The following CYP2C19 variants were observed in gnomAD, a reference collection of about 807,000 sequenced individuals.
CYP2C19 encodes cytochrome P450 family 2 subfamily C member 19.
CYP2C19 carries 59 observed loss-of-function variants against 40.9 expected under a neutral mutation model. The ratio of observed to expected loss-of-function variants is 1.44; its 90% CI spans 1.17 to 1.79. The LOEUF (loss-of-function observed/expected upper bound fraction) is 1.79, where lower values mean the gene tolerates loss of function less well. Among genes scored for constraint, CYP2C19 ranks in the 40% most tolerant of loss-of-function variants. CYP2C19 has a pLI of 0.00. For synonymous variants in CYP2C19, 253 were observed against 208.7 expected (o/e 1.21, Z -1.83); for missense variants, 754 against 596.9 (o/e 1.26, Z -2.74).
In CYP2C19 at chr10:94,818,435, T is replaced by G. The variant is rs1320576274; in HGVS notation, c.820-2061T>G. Among the ~76,000 whole-genome samples the G allele has an allele frequency of 3.3e-5, 5 of 152,112 alleles. No individual in the cohort carries two copies. In the South Asian group the frequency reaches 6.2e-4, roughly 19 times the overall value. On this transcript the variant is annotated intron_variant, in intron 5 of 8. Coordinates refer to ENST00000371321, the MANE Select transcript of CYP2C19 (RefSeq NM_000769.4). ...TCTCCAATTCTGTGAAGAAAGTCATTGGTAGCTTGATGGAGATGGCATTGA... is the reference window on the plus strand; with the variant it reads ...TCTCCAATTCTGTGAAGAAAGTCATGGGTAGCTTGATGGAGATGGCATTGA...
At chr10:94,768,182 A>C (rs956229896) in intron 1 of CYP2C19, among the ~76,000 whole-genome samples, 1 of 152,146 alleles carries the variant, frequency 6.6e-6, no homozygotes, top group Non-Finnish European at 1.5e-5. Context: ...TTGTATACAC[A>C]TTTATTCTTT....
At chr10:94,790,698 C>T (rs1216987123) in intron 5 of CYP2C19, among the ~76,000 whole-genome samples, 1 of 152,202 alleles carries the variant, frequency 6.6e-6, no homozygotes, top group East Asian at 1.9e-4. Flanking sequence ...ATGAAGCCAA[C>T]TTGATCGTGG....
chr10:94,776,697 T>C (rs901999852), intron 3 of CYP2C19, among the ~76,000 whole-genome samples: 2 of 152,090 alleles, frequency 1.3e-5, no homozygotes, highest in Non-Finnish European at 2.9e-5. Context: ...CAATATCATA[T>C]TTAATGGGCA....
rs943033546 is a variant in CYP2C19, at chr10:94,827,965, T to C, written c.961+7328T>C. Among the ~76,000 whole-genome samples, 13 of 151,900 alleles carry C rather than the reference T, an allele frequency of 8.6e-5. 1 individual carries two copies. The highest frequency in any genetic ancestry group is 3.2e-4 in the African/African-American group (13 of 41,254). ...GCAGGTTGTTCAGTTTCCATGTAGT[T>C]GAGCGGTTTTGAGTGAGTTTCTTAA... On this transcript the variant is annotated intron_variant, in intron 6 of 8. Coordinates refer to ENST00000371321, the MANE Select transcript of CYP2C19 (RefSeq NM_000769.4).
intron 5 of CYP2C19, among the ~76,000 whole-genome samples, chr10:94,817,999 TGA>T (rs1454341223): frequency 8.9e-6 from 1 of 112,238 alleles, no homozygotes; most frequent in Non-Finnish European, 1.7e-5. Flanking sequence ...GGCGACAGAG[TGA>T]GACTCCATCT....
At chr10:94,849,246 T>A (rs867358361) in intron 7 of CYP2C19, among the ~76,000 whole-genome samples, 1 of 152,132 alleles carries the variant, frequency 6.6e-6, no homozygotes, top group Non-Finnish European at 1.5e-5. Context: ...CCAAGCTTGA[T>A]GAAAAGGACA....
chr10:94,828,566 T>A (rs1335129548), intron 6 of CYP2C19, among the ~76,000 whole-genome samples: 3 of 149,236 alleles, frequency 2.0e-5, no homozygotes, highest in Non-Finnish European at 4.4e-5. Context: ...TCTCTGCACG[T>A]GAGATGGGTT....
rs58744432 is a variant in CYP2C19, at chr10:94,820,515, C to A, written c.839C>A (p.Ser280Tyr). 6.8e-6 allele frequency: 11 copies of A among 1,614,156 alleles called. No individual in the cohort carries two copies. Among genetic ancestry groups the A allele is most frequent in the Non-Finnish European group, 9.3e-6 (11 of 1,180,016 alleles). Reference protein sequence around the residue: ...KMEKEKQNQQSEFTIENLVIT... With the variant: ...KMEKEKQNQQYEFTIENLVIT... ...TCCTAGGAAAAGCAAAACCAACAGT[C>A]TGAATTCACTATTGAAAACTTGGTA... Residue 280 changes from serine (S) to tyrosine (Y), a missense_variant, in exon 6 of 9, where the codon TCT (serine) becomes TAT (tyrosine). By Grantham distance (144) the Ser-to-Tyr change is moderately radical. Coordinates refer to ENST00000371321, the MANE Select transcript of CYP2C19 (RefSeq NM_000769.4).
At position 94,853,949 on chromosome 10, in the gene CYP2C19, T is replaced by C. The variant is rs575806744; in HGVS notation, c.*1035T>C. On this transcript the variant is annotated 3_prime_UTR_variant, in exon 9 of 9. Coordinates refer to ENST00000371321, the MANE Select transcript of CYP2C19 (RefSeq NM_000769.4). ...AGAATGAAGTAATGAAGTATAAATA[T>C]ATGCTTTCATATTGCTGCTCATGTG... 1.2e-4 allele frequency among the ~76,000 whole-genome samples: 19 copies of C among 152,296 alleles called. No individual in the cohort carries two copies. The highest frequency in any genetic ancestry group is 4.3e-4 in the African/African-American group (18 of 41,560).
chr10:94,846,328 C>T (rs1201450518), intron 7 of CYP2C19, among the ~76,000 whole-genome samples: 1 of 152,094 alleles, frequency 6.6e-6, no homozygotes, highest in East Asian at 1.9e-4. Context: ...ATGACTTTGG[C>T]AAGAAAACTA....
At chr10:94,817,788 C>T (rs1442316405) in intron 5 of CYP2C19, among the ~76,000 whole-genome samples, 16 of 151,954 alleles carry the variant, frequency 1.1e-4, no homozygotes, top group African/African-American at 2.4e-4. Context: ...CCGAGGCGGG[C>T]GGATCACGAG....
chr10:94,797,163 C>A (rs1461529041), intron 5 of CYP2C19, among the ~76,000 whole-genome samples: 1 of 151,918 alleles, frequency 6.6e-6, no homozygotes, highest in African/African-American at 2.4e-5. Flanking sequence ...TTAGATACGT[C>A]CCATCAATAC....
At position 94,820,631 on chromosome 10, in the gene CYP2C19, G is replaced by A. The variant is rs1005681217; in HGVS notation, c.955G>A (p.Val319Ile). The A allele has an allele frequency of 4.3e-6, 7 of 1,614,046 alleles. No individual in the cohort carries two copies. Among genetic ancestry groups the A allele is most frequent in the Admixed American group, 1.7e-5 (1 of 59,996 alleles). Residue 319 changes from valine (V) to isoleucine (I), a missense_variant, in exon 6 of 9, where the codon GTC becomes ATC. Physicochemically the swap from Val to Ile is conservative, Grantham distance 29 (BLOSUM62 3). Transcript: ENST00000371321. ...CCTTCTCCTGCTGAAGCACCCAGAGGTCACAGGTATGATCACAGAGGATGA... is the reference window on the plus strand; with the variant it reads ...CCTTCTCCTGCTGAAGCACCCAGAGATCACAGGTATGATCACAGAGGATGA... ...ALLLLLKHPE[V>I]TAKVQEEIER...
chr10:94,802,718 G>A (rs970219293), intron 5 of CYP2C19, among the ~76,000 whole-genome samples: 8 of 152,050 alleles, frequency 5.3e-5, no homozygotes, highest in African/African-American at 1.9e-4. Context: ...GCAGTGGCTG[G>A]TACCAATTTT....
chr10:94,762,853 G>A lies in CYP2C19; in HGVS notation c.148G>A (p.Val50Ile), dbSNP rs748915758. ...GNILQIDIKDVSKSLTNLSKI... is the reference protein window; with the variant it reads ...GNILQIDIKDISKSLTNLSKI... The stretch of plus-strand genomic sequence containing the variant: ...TATCCTACAGATAGATATTAAGGAT[G>A]TCAGCAAATCCTTAACCAATGTAAG... Residue 50 changes from valine to isoleucine, a missense_variant, in exon 1 of 9, where the codon GTC (valine) becomes ATC (isoleucine). Transcript: ENST00000371321. The A allele has an allele frequency of 9.3e-6, 15 of 1,613,774 alleles. No homozygotes were observed. The highest frequency in any genetic ancestry group is 6.7e-5 in the Admixed American group (4 of 59,998).
chr10:94,812,785 C>A (rs904843246), intron 5 of CYP2C19, among the ~76,000 whole-genome samples: 1 of 151,730 alleles, frequency 6.6e-6, no homozygotes, highest in African/African-American at 2.4e-5. Flanking sequence ...AGGTTCTTAG[C>A]TTCTTTGCAA....
At chr10:94,837,375 G>A (rs1003392681) in intron 6 of CYP2C19, among the ~76,000 whole-genome samples, 1 of 152,110 alleles carries the variant, frequency 6.6e-6, no homozygotes, top group African/African-American at 2.4e-5. Context: ...GAACAGGACA[G>A]GCATTCTTTG....
At chr10:94,820,957 C>G (rs1849110973) in intron 6 of CYP2C19, among the ~76,000 whole-genome samples, 1 of 152,034 alleles carries the variant, frequency 6.6e-6, no homozygotes, top group African/African-American at 2.4e-5. Context: ...TGTGGCACAC[C>G]ACTGTAATCC....
chr10:94,781,793 A>AAAAGC, intron 4 of CYP2C19, 28 bp from the exon 5 acceptor site: 9 of 1,240,396 alleles, frequency 7.3e-6, no homozygotes, highest in Non-Finnish European at 9.7e-6. Flanking sequence ...AAATGCTTTT[A>AAAAGC]ATTTAATAAA....
Sources: allele counts gnomAD v4.1 joint callset (sites outside exome capture counted in the v4.1 genomes callset), GRCh38; gene constraint gnomAD v4.1.1; transcripts MANE v1.5; gene names NCBI Gene and HGNC (gene_info 2026-07-23, HGNC 2026-07-21).